VWA2: variants seen among roughly 807,000 people sequenced by gnomAD.
VWA2 encodes the protein von Willebrand factor A domain containing 2, also known as von Willebrand factor A domain-containing protein 2.
Under a neutral mutation model 70.4 loss-of-function variants are expected in VWA2, and 73 were observed. The observed-to-expected ratio is 1.04, with a 90% CI of 0.86 to 1.26. The LOEUF (loss-of-function observed/expected upper bound fraction) is 1.26. Among genes scored for constraint, VWA2 ranks in the 50% most tolerant of loss-of-function variants. The pLI is 0.00. For missense variants in VWA2, 1,011 were observed against 998.5 expected (o/e 1.01, Z -0.17); for synonymous variants, 407 against 423.3 (o/e 0.96, Z 0.47).
Position 114,281,102 on chromosome 10 carries a change from A to G in VWA2, c.834-1414A>G, listed in dbSNP as rs555449701. On this transcript the variant is annotated intron_variant, in intron 8 of 13. Transcript: ENST00000392982. ...CTTGGCGTGTACTCCATTTTACCCC[A>G]GGGAAGACCCTGCCCTAGAGGAGCA... 3.9e-5 allele frequency: 6 copies of G among 152,322 alleles called. No homozygotes were observed. In the East Asian group the frequency reaches 7.7e-4, roughly 20 times the overall value. The allele number at this position is 152,322 out of a possible 1,614,324, so 9.4% of individuals were successfully genotyped here. A position where few individuals can be genotyped will look rare whatever the true frequency, so the allele number is the denominator to read the frequency against.
intron 5 of VWA2, among the ~76,000 whole-genome samples, chr10:114,265,646 C>A (rs2133341772): frequency 6.6e-6 from 1 of 152,308 alleles, no homozygotes; most frequent in South Asian, 2.1e-4. Context: ...AGCTGCTTTT[C>A]AGCTGTGTTG....
In VWA2 at chr10:114,261,086, A is replaced by G. The variant is rs552727675; in HGVS notation, c.262-100A>G. 1.3e-4 allele frequency: 100 copies of G among 789,898 alleles called. No individual in the cohort carries two copies. In the African/African-American group the frequency reaches 1.6e-3, roughly 12 times the overall value. 48.9% of individuals were successfully genotyped at this position (789,898 alleles called of 1,614,324 possible). On this transcript the variant is annotated intron_variant, in intron 4 of 13. Coordinates refer to ENST00000392982, the MANE Select transcript of VWA2 (RefSeq NM_001272046.2). The stretch of plus-strand genomic sequence containing the variant: ...TCTGGCACTGGTGTTTGTTGAGTGG[A>G]TGGGAGGCAGGGTTGTTAACTTTTC...
chr10:114,269,550 C>T (rs979782220), intron 5 of VWA2, among the ~76,000 whole-genome samples: 3 of 152,128 alleles, frequency 2.0e-5, no homozygotes, highest in Non-Finnish European at 2.9e-5. Flanking sequence ...CACAACACTC[C>T]AGCCTGGGTG....
At chr10:114,261,069 T>C in intron 4 of VWA2, 117 bp from the exon 5 acceptor site, 1 of 676,050 alleles carries the variant, frequency 1.5e-6, no homozygotes, top group South Asian at 1.9e-5. Context: ...GCTCTGGCAC[T>C]GGTGTTTGTT....
chr10:114,243,695 T>C (rs2037014138), intron 1 of VWA2, among the ~76,000 whole-genome samples: 1 of 152,238 alleles, frequency 6.6e-6, no homozygotes, highest in Non-Finnish European at 1.5e-5. Context: ...GCAGACATTA[T>C]CCTGCAAAAC....
At position 114,289,369 on chromosome 10, in the gene VWA2, G is replaced by C; in HGVS notation, c.2002G>C (p.Gly668Arg). The change falls in exon 12 of 14, where the codon GGG (glycine) becomes CGG (arginine). Residue 668 changes from glycine to arginine, a missense_variant. Gly to Arg is a moderately radical substitution (Grantham distance 125). Coordinates refer to ENST00000392982, the MANE Select transcript of VWA2 (RefSeq NM_001272046.2). ...CATCTCTGTCTTGGTCGTGGGCGTG[G>C]GGCCTGTCCTAAGTGAGGGTCTGCG... ...NGISVLVVGV[G>R]PVLSEGLRRL... 1 of 1,614,232 alleles carries C rather than the reference G, an allele frequency of 6.2e-7. No homozygotes were observed. Among genetic ancestry groups the C allele is most frequent in the Non-Finnish European group, 8.5e-7 (1 of 1,180,038 alleles).
chr10:114,252,719 C>T (rs910189466), intron 2 of VWA2, among the ~76,000 whole-genome samples: 8 of 152,096 alleles, frequency 5.3e-5, no homozygotes, highest in African/African-American at 1.9e-4. Flanking sequence ...CTGCCTCAGC[C>T]TCCCAAGTAG....
intron 7 of VWA2, 84 bp from the exon 8 acceptor site, chr10:114,278,635 G>T: frequency 6.3e-7 from 1 of 1,575,930 alleles, no homozygotes. Flanking sequence ...CCAGGAGCGG[G>T]AGCAGCTGCT....
Position 114,291,932 on chromosome 10 carries a change from C to T in VWA2, c.*695C>T, listed in dbSNP as rs796525476. ...AATGGGCCCAGGTCTGGAGGGGCCA[C>T]GTAAAATCGTTCTGAGTCGTGAGCA... On this transcript the variant is annotated 3_prime_UTR_variant, in exon 14 of 14. Coordinates refer to ENST00000392982, the MANE Select transcript of VWA2 (RefSeq NM_001272046.2). Among the ~76,000 whole-genome samples the T allele has an allele frequency of 1.2e-4, 19 of 152,202 alleles. No homozygotes were observed. The highest frequency in any genetic ancestry group is 3.9e-4 in the African/African-American group (16 of 41,518).
chr10:114,288,996 G>T lies in VWA2; in HGVS notation c.1629G>T (p.Gly543=). ...VFMLDTSASV[G]PENFAQMQSF... is the part of the protein sequence containing the mutation. ...TGTTGGACACCTCTGCCTCAGTAGGGCCCGAGAATTTTGCTCAGATGCAGA... is the reference window on the plus strand; with the variant it reads ...TGTTGGACACCTCTGCCTCAGTAGGTCCCGAGAATTTTGCTCAGATGCAGA... Residue 543 remains glycine (G), a synonymous_variant, in exon 12 of 14, where the codon GGG becomes GGT. Coordinates refer to ENST00000392982, the MANE Select transcript of VWA2 (RefSeq NM_001272046.2). 6.2e-7 allele frequency: 1 copy of T among 1,614,128 alleles called. No homozygotes were observed. Among genetic ancestry groups the T allele is most frequent in the Non-Finnish European group, 8.5e-7 (1 of 1,180,022 alleles).
chr10:114,255,095 T>G (rs1456273882), intron 4 of VWA2, 47 bp downstream of exon 4: 1 of 1,602,170 alleles, frequency 6.2e-7, no homozygotes, highest in Admixed American at 1.7e-5. Context: ...TCTTCTGTGA[T>G]AAGGGACAGA....
At chr10:114,270,338 C>T (rs1168818580) in intron 5 of VWA2, among the ~76,000 whole-genome samples, 2 of 152,218 alleles carry the variant, frequency 1.3e-5, no homozygotes, top group African/African-American at 4.8e-5. Flanking sequence ...TTTCTGGACT[C>T]CTCTATTCCA....
In VWA2 at chr10:114,248,706, A is replaced by G. The variant is rs1310649882; in HGVS notation, c.-8A>G. 4 of 1,612,902 alleles carry G rather than the reference A, an allele frequency of 2.5e-6. No homozygotes were observed. The Admixed American group carries it at 5.0e-5, about 20-fold the overall frequency. ...TTTCTTTTCCTGTGTCCCTGTAGTT[A>G]TATCAACATGCCCCCTTTCCTGTTG... On this transcript the variant is annotated splice_region_variant and 5_prime_UTR_variant, in exon 2 of 14. Coordinates refer to ENST00000392982, the MANE Select transcript of VWA2 (RefSeq NM_001272046.2).
intron 5 of VWA2, among the ~76,000 whole-genome samples, chr10:114,266,357 G>C (rs990050292): frequency 5.3e-5 from 8 of 152,124 alleles, no homozygotes; most frequent in Non-Finnish European, 7.4e-5. Flanking sequence ...TATGGGGTAT[G>C]TGAGATGTTT....
chr10:114,288,840 G>T, intron 11 of VWA2, 98 bp from the exon 12 acceptor site: 3 of 1,304,656 alleles, frequency 2.3e-6, no homozygotes, highest in Non-Finnish European at 2.1e-6. Flanking sequence ...GAGCACCCTG[G>T]CTGACCTTGG....
At position 114,282,412 on chromosome 10, in the gene VWA2, C is replaced by T. The variant is rs1589784171; in HGVS notation, c.834-104C>T. On this transcript the variant is annotated intron_variant, in intron 8 of 13. Transcript: ENST00000392982. ...AACCAGGAAGTCTTTCTTACTTCTG[C>T]ATTGGAATCTTCTATCAGCTTTTGG... The T allele has an allele frequency of 1.2e-5, 11 of 904,624 alleles. No individual in the cohort carries two copies. In the East Asian group the frequency reaches 2.7e-4, roughly 22 times the overall value. 56.0% of individuals were successfully genotyped at this position (904,624 alleles called of 1,614,324 possible). A position where few individuals can be genotyped will look rare whatever the true frequency, so the allele number is the denominator to read the frequency against.
rs1321928559 is a variant in VWA2 at position 114,294,300 on chromosome 10, A to G, written c.*3063A>G. ...ATACTAACCTTATAATGGAAAATACATATTTCTCAAACTTTTACACTGATA... is the reference window on the plus strand; with the variant it reads ...ATACTAACCTTATAATGGAAAATACGTATTTCTCAAACTTTTACACTGATA... On this transcript the variant is annotated 3_prime_UTR_variant, in exon 14 of 14. Coordinates refer to ENST00000392982, the MANE Select transcript of VWA2 (RefSeq NM_001272046.2). Among the ~76,000 whole-genome samples, 1 of 152,206 alleles carries G rather than the reference A, an allele frequency of 6.6e-6. No homozygotes were observed. The highest frequency in any genetic ancestry group is 2.4e-5 in the African/African-American group (1 of 41,458).
At chr10:114,276,486 A>C (rs1463950439) in intron 6 of VWA2, among the ~76,000 whole-genome samples, 1 of 152,008 alleles carries the variant, frequency 6.6e-6, no homozygotes, top group African/African-American at 2.4e-5. Context: ...AAAAAAACTG[A>C]TACTGGTTCA....
At position 114,292,385 on chromosome 10, in the gene VWA2, A is replaced by T. The variant is rs960384792; in HGVS notation, c.*1148A>T. ...AGAGAAGTAAGATTCTTAAACTCAA[A>T]AATATAGGATAAAGAAACTTACAGA... is the stretch of plus-strand genomic sequence containing the variant. On this transcript the variant is annotated 3_prime_UTR_variant, in exon 14 of 14. Coordinates refer to ENST00000392982, the MANE Select transcript of VWA2 (RefSeq NM_001272046.2). Among the ~76,000 whole-genome samples, 1 of 152,108 alleles carries T rather than the reference A, an allele frequency of 6.6e-6. No homozygotes were observed. Among genetic ancestry groups the T allele is most frequent in the Non-Finnish European group, 1.5e-5 (1 of 68,040 alleles).
Sources: gnomAD v4.1 joint callset for allele counts (sites outside exome capture counted in the v4.1 genomes callset) on GRCh38, gnomAD v4.1.1 for gene constraint, MANE v1.5 for transcripts, NCBI Gene and HGNC (gene_info 2026-07-23, HGNC 2026-07-21) for gene names.